Variants in PSD3 observed in about 807,000 individuals in gnomAD.
PSD3 encodes pleckstrin and Sec7 domain containing 3, also known as PH and SEC7 domain-containing protein 3.
A neutral mutation model predicts 105.5 loss-of-function variants in PSD3; 49 were observed. That is an observed-to-expected ratio of 0.46 (90% CI 0.37 to 0.59). The LOEUF (loss-of-function observed/expected upper bound fraction) is 0.59, where lower values mean the gene tolerates loss of function less well. Among genes scored for constraint, PSD3 ranks in the 20% least tolerant of loss-of-function variants. The probability of loss-of-function intolerance (pLI) is 0.00; values close to 1 mark genes in which losing one functional copy is unlikely to be tolerated. For missense variants in PSD3, 1,561 were observed against 1,263.8 expected, an observed-to-expected ratio of 1.24 and a Z score of -3.57; for synonymous variants, 557 against 457.8, an observed-to-expected ratio of 1.22 and a Z score of -2.77.
Position 18,872,382 on chromosome 8 carries a change from A to G in PSD3, c.482T>C (p.Val161Ala). Reference sequence around the variant, plus strand: ...CACCTGCTGAACTGAAAAACTAGAAACAGCATCTTGGTCCAGTACCTTTGT... The same window carrying G: ...CACCTGCTGAACTGAAAAACTAGAAGCAGCATCTTGGTCCAGTACCTTTGT... The part of the protein sequence containing the change: ...QATKVLDQDA[V>A]SSFSVQQVEK... The change falls in exon 3 of 16, where the codon GTT (valine) becomes GCT (alanine). Residue 161 changes from valine to alanine, a missense_variant. Val to Ala is a moderately conservative substitution (Grantham distance 64, BLOSUM62 0). Transcript: ENST00000327040. 1 of 1,614,154 alleles carries G rather than the reference A, an allele frequency of 6.2e-7. No individual in the cohort carries two copies. Among genetic ancestry groups the G allele is most frequent in the Non-Finnish European group, 8.5e-7 (1 of 1,180,034 alleles).
intron 9 of PSD3, among the ~76,000 whole-genome samples, chr8:18,694,466 C>T (rs368229662): frequency 8.5e-5 from 13 of 152,120 alleles, no homozygotes; most frequent in East Asian, 7.8e-4. Context: ...AAAAATTAGC[C>T]GGGCGTGGTG....
intron 4 of PSD3, among the ~76,000 whole-genome samples, chr8:18,844,540 G>C (rs180839785): frequency 4.5e-4 from 68 of 151,838 alleles, no homozygotes; most frequent in African/African-American, 1.6e-3. Context: ...CTCTACCCTT[G>C]AGCCCAAACC....
intron 1 of PSD3, among the ~76,000 whole-genome samples, chr8:19,034,161 C>G (rs73666795): frequency 6.6e-6 from 1 of 152,126 alleles, no homozygotes; most frequent in Non-Finnish European, 1.5e-5. Flanking sequence ...ATTAGTGGCT[C>G]TTTTTCCCAG....
intron 11 of PSD3, among the ~76,000 whole-genome samples, chr8:18,608,613 T>C (rs9325833): frequency 0.35 from 53,421 of 152,068 alleles, 9,589 homozygotes; most frequent in Middle Eastern, 0.51. Flanking sequence ...TGAATAATAT[T>C]TTGGCTTTAG....
intron 9 of PSD3, among the ~76,000 whole-genome samples, chr8:18,700,385 G>A (rs368823049): frequency 1.2e-4 from 19 of 152,266 alleles, no homozygotes; most frequent in African/African-American, 4.3e-4. Flanking sequence ...GAAAAATGAT[G>A]TACTTTCTAG....
At chr8:18,804,349 A>G in intron 6 of PSD3, 173 bp downstream of exon 6, 1 of 579,976 alleles carries the variant, frequency 1.7e-6, no homozygotes, top group Non-Finnish European at 2.9e-6. Context: ...TAAACCTGAC[A>G]AAATCCAAAA....
At chr8:18,542,516 A>G (rs748435616) in intron 15 of PSD3, among the ~76,000 whole-genome samples, 14 of 152,212 alleles carry the variant, frequency 9.2e-5, no homozygotes, top group Non-Finnish European at 2.1e-4. Flanking sequence ...CAGATGGTAG[A>G]AAAGGGAATC....
At chr8:18,937,191 A>C (rs1349188968) in intron 1 of PSD3, among the ~76,000 whole-genome samples, 1 of 152,316 alleles carries the variant, frequency 6.6e-6, no homozygotes, top group African/African-American at 2.4e-5. Flanking sequence ...ACAAGTAGCA[A>C]GGAAAAAAAT....
At chr8:18,979,473 T>C (rs1825138197) in intron 1 of PSD3, 1 of 152,180 alleles carries the variant, frequency 6.6e-6, no homozygotes, top group Non-Finnish European at 1.5e-5. Flanking sequence ...AAACCAGAAA[T>C]TGCTGTTTTG....
intron 4 of PSD3, among the ~76,000 whole-genome samples, chr8:18,821,718 C>CACACACACACACACACACA (rs1554513426): frequency 3.1e-5 from 2 of 64,394 alleles, no homozygotes; most frequent in African/African-American, 4.2e-5. Context: ...CACACACACA[C>CACACACACACACACACACA]CCCAATAACA....
At position 18,835,700 on chromosome 8, in the gene PSD3, T is replaced by C. The variant is rs369747888; in HGVS notation, c.1635-30802A>G. Among the ~76,000 whole-genome samples the C allele has an allele frequency of 7.8e-4, 119 of 152,128 alleles. 2 individuals carry two copies. In the South Asian group the frequency reaches 0.025, roughly 31 times the overall value. ...GAAGAGAATCATTAAAAATGTGAAG[T>C]GGGAGAGCAGGGCTCTGGGGATGAA... On this transcript the variant is annotated intron_variant, in intron 4 of 15. Transcript: ENST00000327040.
rs1048544636 is a variant in PSD3, at chr8:18,905,718, T to C, written c.130+30316A>G. On this transcript the variant is annotated intron_variant, in intron 2 of 15. Transcript: ENST00000327040. Reference sequence around the variant, plus strand: ...TGTCTTCCCTACTTACTTTTTATCTTACATTTTCTAGATCCTAAATACCTA... The same window carrying C: ...TGTCTTCCCTACTTACTTTTTATCTCACATTTTCTAGATCCTAAATACCTA... Among the ~76,000 whole-genome samples the C allele has an allele frequency of 7.2e-5, 11 of 152,188 alleles. No individual in the cohort carries two copies. The East Asian group carries it at 1.7e-3, about 24-fold the overall frequency.
At chr8:18,589,833 C>T (rs1803465053) in intron 12 of PSD3, among the ~76,000 whole-genome samples, 2 of 152,174 alleles carry the variant, frequency 1.3e-5, no homozygotes, top group Admixed American at 1.3e-4. Flanking sequence ...CAAGGGTCCC[C>T]TGCCCAAAAG....
intron 2 of PSD3, among the ~76,000 whole-genome samples, chr8:18,903,499 GCTCAGA>G (rs1819646468): frequency 6.6e-6 from 1 of 152,142 alleles, no homozygotes; most frequent in African/African-American, 2.4e-5. Context: ...TGTCCCAACA[GCTCAGA>G]CTCTAGGGCC....
chr8:18,670,969 G>T (rs1799752265), intron 9 of PSD3, among the ~76,000 whole-genome samples: 1 of 152,152 alleles, frequency 6.6e-6, no homozygotes, highest in African/African-American at 2.4e-5. Flanking sequence ...GATGACATTA[G>T]ATTTTATGCT....
At chr8:18,682,502 A>G (rs888740695) in intron 9 of PSD3, among the ~76,000 whole-genome samples, 2 of 152,202 alleles carry the variant, frequency 1.3e-5, no homozygotes, top group Non-Finnish European at 2.9e-5. Context: ...TACAGGTCAC[A>G]TTAAAGGACT....
At chr8:19,040,913 G>A (rs1828101891) in intron 1 of PSD3, among the ~76,000 whole-genome samples, 4 of 151,968 alleles carry the variant, frequency 2.6e-5, no homozygotes, top group Admixed American at 2.6e-4. Flanking sequence ...GTTTATTTGA[G>A]ACAGGGTCTC....
intron 11 of PSD3, among the ~76,000 whole-genome samples, chr8:18,622,211 A>G (rs977194054): frequency 6.6e-6 from 1 of 152,252 alleles, no homozygotes; most frequent in Non-Finnish European, 1.5e-5. Context: ...ATGACTAAAG[A>G]ATCTATAAAA....
At chr8:18,964,200 A>G (rs1406918897) in intron 1 of PSD3, among the ~76,000 whole-genome samples, 1 of 152,140 alleles carries the variant, frequency 6.6e-6, no homozygotes, top group African/African-American at 2.4e-5. Context: ...TCATGGCTCA[A>G]TGCAGCCTGG....
Sources: gnomAD v4.1 joint callset for allele counts (sites outside exome capture counted in the v4.1 genomes callset) on GRCh38, gnomAD v4.1.1 for gene constraint, MANE v1.5 for transcripts, NCBI Gene and HGNC (gene_info 2026-07-23, HGNC 2026-07-21) for gene names.